AGPAT4: variants seen among roughly 807,000 people sequenced by gnomAD.
AGPAT4 encodes 1-acyl-sn-glycerol-3-phosphate acyltransferase delta.
A neutral mutation model predicts 48.0 loss-of-function variants in AGPAT4; 15 were observed. That is an observed-to-expected ratio of 0.31 (90% CI 0.21 to 0.48). AGPAT4 has a LOEUF of 0.48. Among genes scored for constraint, AGPAT4 ranks in the 20% least tolerant of loss-of-function variants. The pLI is 0.99. For missense variants in AGPAT4, 314 were observed against 482.5 expected (o/e 0.65, Z 3.27); for synonymous variants, 178 against 198.7 (o/e 0.90, Z 0.88).
At position 161,184,108 on chromosome 6, in the gene AGPAT4, G is replaced by T. The variant is rs1360471886; in HGVS notation, c.179-17691C>A. Among the ~76,000 whole-genome samples the T allele has an allele frequency of 2.0e-5, 3 of 152,090 alleles. No individual in the cohort carries two copies. Among genetic ancestry groups the T allele is most frequent in the African/African-American group, 7.2e-5 (3 of 41,412 alleles). On this transcript the variant is annotated intron_variant, in intron 2 of 8. Transcript: ENST00000320285. The surrounding 1 kb of genome is among the most constrained non-coding windows in gnomAD (Gnocchi z 4.8). ...CCCACTGGTGTACATCCAGTGCCTG[G>T]AACTGGGGACACATTTCAGAGCATG... is the stretch of plus-strand genomic sequence containing the variant.
chr6:161,174,691 G>A (rs1449436685), intron 2 of AGPAT4, among the ~76,000 whole-genome samples: 1 of 152,186 alleles, frequency 6.6e-6, no homozygotes, highest in Non-Finnish European at 1.5e-5. Flanking sequence ...ATGTTGAATA[G>A]GAGTGGTGAG....
Position 161,255,940 on chromosome 6 carries a change from C to T in AGPAT4, c.-90+17998G>A, listed in dbSNP as rs1278162910. 1.3e-5 allele frequency among the ~76,000 whole-genome samples: 2 copies of T among 152,116 alleles called. No homozygotes were observed. The highest frequency in any genetic ancestry group is 2.9e-5 in the Non-Finnish European group (2 of 68,014). ...AACACTGGCCCCACAGAAGACAAAACATAAGCAGAGTCAGCCTTCAGTCCA... is the reference window on the plus strand; with the variant it reads ...AACACTGGCCCCACAGAAGACAAAATATAAGCAGAGTCAGCCTTCAGTCCA... On this transcript the variant is annotated intron_variant, in intron 1 of 8. Coordinates refer to ENST00000320285, the MANE Select transcript of AGPAT4 (RefSeq NM_020133.3). The surrounding 1 kb of genome is among the most constrained non-coding windows in gnomAD (Gnocchi z 4.7).
At chr6:161,258,680 C>T (rs538314971) in intron 1 of AGPAT4, among the ~76,000 whole-genome samples, 203 of 152,130 alleles carry the variant, frequency 1.3e-3, no homozygotes, top group African/African-American at 4.7e-3. Context: ...GCAAAAAACA[C>T]AGAAACACCA....
rs1781756734 is a variant in AGPAT4 at position 161,219,824 on chromosome 6, G to GAGATAGACAGAT, written c.178+12211_178+12212insATCTGTCTATCT. Among the ~76,000 whole-genome samples, 1 of 89,508 alleles carries GAGATAGACAGAT rather than the reference G, an allele frequency of 1.1e-5. No individual in the cohort carries two copies. The highest frequency in any genetic ancestry group is 2.3e-5 in the Non-Finnish European group (1 of 43,386). 58.7% of individuals were successfully genotyped at this position (89,508 alleles called of 152,430 possible). A position where few individuals can be genotyped will look rare whatever the true frequency, so the allele number is the denominator to read the frequency against. On this transcript the variant is annotated intron_variant, in intron 2 of 8. Transcript: ENST00000320285. The surrounding 1 kb of genome is among the most constrained non-coding windows in gnomAD (Gnocchi z 4.9). ...AGATTCACAGTAAAAAAGATAGACA[G>GAGATAGACAGAT]AGATAGATAGATAGATAGATAGATA...
chr6:161,158,156 T>A lies in AGPAT4; in HGVS notation c.349-3846A>T, dbSNP rs923092219. On this transcript the variant is annotated intron_variant, in intron 3 of 8. Transcript: ENST00000320285. This position sits in a 1 kb window ranked among gnomAD's most constrained non-coding sequence, Gnocchi z 5.3. ...CATTTATTTAAGCACAACTGAAGAG[T>A]CACTGTGCACAGACAGTTGCCCAAG... 6.6e-6 allele frequency among the ~76,000 whole-genome samples: 1 copy of A among 152,080 alleles called. No homozygotes were observed. Among genetic ancestry groups the A allele is most frequent in the Non-Finnish European group, 1.5e-5 (1 of 68,008 alleles).
chr6:161,154,207 T>A lies in AGPAT4; in HGVS notation c.452A>T (p.Asp151Val). Residue 151 changes from aspartate (D) to valine (V), a missense_variant, in exon 4 of 9, where the codon GAT becomes GTT. By Grantham distance (152) the Asp-to-Val change is radical (BLOSUM62 -3). Coordinates refer to ENST00000320285, the MANE Select transcript of AGPAT4 (RefSeq NM_020133.3). The surrounding 1 kb of genome is among the most constrained non-coding windows in gnomAD (Gnocchi z 7.8). ...MVFCSRKWEQ[D>V]RKTVATSLQH... The stretch of plus-strand genomic sequence containing the variant: ...CAAACTGGTGGCAACCGTCTTGCGA[T>A]CCTGCTCCCACTTGCGCGAACAGAA... The A allele has an allele frequency of 6.2e-7, 1 of 1,614,120 alleles. No homozygotes were observed. The highest frequency in any genetic ancestry group is 8.5e-7 in the Non-Finnish European group (1 of 1,180,032).
Position 161,267,052 on chromosome 6 carries a change from C to T in AGPAT4, c.-90+6886G>A, listed in dbSNP as rs1414277594. Among the ~76,000 whole-genome samples the T allele has an allele frequency of 1.3e-5, 2 of 152,214 alleles. No homozygotes were observed. The highest frequency in any genetic ancestry group is 1.3e-4 in the Admixed American group (2 of 15,284). ...CAGAAAGCCTCTGACTCCATCCACC[C>T]ACCGCCTTGGGAACTCTGAGAGCAG... On this transcript the variant is annotated intron_variant, in intron 1 of 8. Coordinates refer to ENST00000320285, the MANE Select transcript of AGPAT4 (RefSeq NM_020133.3). This position sits in a 1 kb window ranked among gnomAD's most constrained non-coding sequence, Gnocchi z 5.2.
chr6:161,169,298 T>C lies in AGPAT4; in HGVS notation c.179-2881A>G, dbSNP rs143407729. Among the ~76,000 whole-genome samples the C allele has an allele frequency of 1.0e-3, 159 of 152,088 alleles. No homozygotes were observed. Among genetic ancestry groups the C allele is most frequent in the African/African-American group, 3.6e-3 (148 of 41,480 alleles). On this transcript the variant is annotated intron_variant, in intron 2 of 8. Coordinates refer to ENST00000320285, the MANE Select transcript of AGPAT4 (RefSeq NM_020133.3). The surrounding 1 kb of genome is among the most constrained non-coding windows in gnomAD (Gnocchi z 5.0). Reference sequence around the variant, plus strand: ...CACTCTGATTGAAACAAGAACAGACTGGAATAGGGAGGCCAGTTAGCGGGT... The same window carrying C: ...CACTCTGATTGAAACAAGAACAGACCGGAATAGGGAGGCCAGTTAGCGGGT...
rs1781601814 is a variant in AGPAT4, at chr6:161,214,854, T to C, written c.178+17182A>G. ...ATTACAATCTTAGCAGACACCGTTG[T>C]AAATGTGGTCTACTGCCTGAAAAGT... On this transcript the variant is annotated intron_variant, in intron 2 of 8. Coordinates refer to ENST00000320285, the MANE Select transcript of AGPAT4 (RefSeq NM_020133.3). This position sits in a 1 kb window ranked among gnomAD's most constrained non-coding sequence, Gnocchi z 5.4. 6.6e-6 allele frequency among the ~76,000 whole-genome samples: 1 copy of C among 152,220 alleles called. No homozygotes were observed.
Position 161,130,613 on chromosome 6 carries a change from G to GT in AGPAT4, c.*5926_*5927insA, listed in dbSNP as rs1778869124. 1 of 258,124 alleles carries GT rather than the reference G, an allele frequency of 3.9e-6. No homozygotes were observed. The highest frequency in any genetic ancestry group is 2.2e-5 in the African/African-American group (1 of 45,548). The allele number at this position is 258,124 out of a possible 1,614,324, so 16.0% of individuals were successfully genotyped here. A position where few individuals can be genotyped will look rare whatever the true frequency, so the allele number is the denominator to read the frequency against. ...CCGGGTGTGTTCCACCCTTGCCCAT[G>GT]GTTAGATCTCTTTCCTTGATAGAAC... On this transcript the variant is annotated 3_prime_UTR_variant, in exon 9 of 9. Coordinates refer to ENST00000320285, the MANE Select transcript of AGPAT4 (RefSeq NM_020133.3).
chr6:161,146,393 G>T lies in AGPAT4; in HGVS notation c.843+131C>A. 1.3e-6 allele frequency: 1 copy of T among 761,718 alleles called. No individual in the cohort carries two copies. The highest frequency in any genetic ancestry group is 1.7e-5 in the African/African-American group (1 of 58,118). 47.2% of individuals were successfully genotyped at this position (761,718 alleles called of 1,614,324 possible). Reference sequence around the variant, plus strand: ...GTTCTTCATTGCCAAGAGAGGGTCAGCTCCAGACTCACTAATAACTGGCTC... The same window carrying T: ...GTTCTTCATTGCCAAGAGAGGGTCATCTCCAGACTCACTAATAACTGGCTC... On this transcript the variant is annotated intron_variant, in intron 7 of 8. Transcript: ENST00000320285. This position sits in a 1 kb window ranked among gnomAD's most constrained non-coding sequence, Gnocchi z 7.1.
In AGPAT4 at chr6:161,161,297, C is replaced by T. The variant is rs763184590; in HGVS notation, c.348+4951G>A. The T allele has an allele frequency of 2.6e-5, 12 of 456,596 alleles. No individual in the cohort carries two copies. The highest frequency in any genetic ancestry group is 9.4e-5 in the Admixed American group (4 of 42,560). The allele number at this position is 456,596 out of a possible 1,614,324, so 28.3% of individuals were successfully genotyped here. A position where few individuals can be genotyped will look rare whatever the true frequency, so the allele number is the denominator to read the frequency against. On this transcript the variant is annotated intron_variant, in intron 3 of 8. Transcript: ENST00000320285. The surrounding 1 kb of genome is among the most constrained non-coding windows in gnomAD (Gnocchi z 4.6). The stretch of plus-strand genomic sequence containing the variant: ...TCCAGGATGGTAGTCGGTATGAACC[C>T]GCGGTGCAGCCATAGTCCCGTGAGC...
chr6:161,150,837 T>C (rs1180781797), intron 5 of AGPAT4, among the ~76,000 whole-genome samples: 2 of 152,224 alleles, frequency 1.3e-5, no homozygotes, highest in Admixed American at 6.5e-5. Context: ...GTGTGGACCA[T>C]GACTGTAGTG....
chr6:161,153,309 G>A (rs1471316778), intron 5 of AGPAT4, 37 bp downstream of exon 5: 1 of 1,579,106 alleles, frequency 6.3e-7, no homozygotes, highest in African/African-American at 1.3e-5. Context: ...CTTCCTCGCT[G>A]CCACGGGGAG....
chr6:161,185,395 AT>A (rs1780742211), intron 2 of AGPAT4, among the ~76,000 whole-genome samples: 1 of 148,364 alleles, frequency 6.7e-6, no homozygotes, highest in Non-Finnish European at 1.5e-5. Context: ...CGTTCAGGTG[AT>A]TCTCCTGCCT....
intron 1 of AGPAT4, among the ~76,000 whole-genome samples, chr6:161,237,293 C>CA (rs1235897059): frequency 6.6e-6 from 1 of 152,238 alleles, no homozygotes; most frequent in Non-Finnish European, 1.5e-5. Flanking sequence ...AAGTCTCTGG[C>CA]AGTCCTCAAG....
chr6:161,269,040 G>A (rs1264004975), intron 1 of AGPAT4, among the ~76,000 whole-genome samples: 1 of 152,178 alleles, frequency 6.6e-6, no homozygotes, highest in Non-Finnish European at 1.5e-5. Flanking sequence ...AGCTCCAAAG[G>A]ACATGAGGAT....
rs1363077295 is a variant in AGPAT4, at chr6:161,218,786, G to C, written c.178+13250C>G. On this transcript the variant is annotated intron_variant, in intron 2 of 8. Coordinates refer to ENST00000320285, the MANE Select transcript of AGPAT4 (RefSeq NM_020133.3). This position sits in a 1 kb window ranked among gnomAD's most constrained non-coding sequence, Gnocchi z 4.7. ...GAGGTGGCAGAGGTGAAAAAACACT[G>C]TTATCTACCAAACAGTATGATAAAA... is the stretch of plus-strand genomic sequence containing the variant. Among the ~76,000 whole-genome samples the C allele has an allele frequency of 6.6e-6, 1 of 150,928 alleles. No individual in the cohort carries two copies. Among genetic ancestry groups the C allele is most frequent in the East Asian group, 1.9e-4 (1 of 5,160 alleles).
chr6:161,256,784 G>C lies in AGPAT4; in HGVS notation c.-90+17154C>G, dbSNP rs536224719. ...ATCAGTGGGGAGATAAATAATTGAAGGGAAAGAAATGGGTTCATCAGTTTG... is the reference window on the plus strand; with the variant it reads ...ATCAGTGGGGAGATAAATAATTGAACGGAAAGAAATGGGTTCATCAGTTTG... On this transcript the variant is annotated intron_variant, in intron 1 of 8. Transcript: ENST00000320285. Among the ~76,000 whole-genome samples the C allele has an allele frequency of 2.6e-5, 4 of 152,318 alleles. No individual in the cohort carries two copies. The South Asian group carries it at 8.3e-4, about 32-fold the overall frequency.
Sources: allele counts gnomAD v4.1 joint callset (sites outside exome capture counted in the v4.1 genomes callset), GRCh38; gene constraint gnomAD v4.1.1; non-coding constraint Gnocchi (gnomAD v3.1); transcripts MANE v1.5; gene names NCBI Gene and HGNC (gene_info 2026-07-23, HGNC 2026-07-21).